Variants in FHIT observed in about 807,000 individuals in gnomAD.
FHIT encodes the protein bis(5'-adenosyl)-triphosphatase.
A neutral mutation model predicts 17.9 loss-of-function variants in FHIT; 19 were observed. The ratio of observed to expected loss-of-function variants is 1.06; its 90% CI spans 0.74 to 1.56. The LOEUF (loss-of-function observed/expected upper bound fraction) is 1.56, where lower values mean the gene tolerates loss of function less well. Among genes scored for constraint, FHIT ranks in the 40% most tolerant of loss-of-function variants. FHIT has a pLI of 0.00. For synonymous variants in FHIT, 81 were observed against 69.7 expected (o/e 1.16, Z -0.81); for missense variants, 248 against 189.2 (o/e 1.31, Z -1.82).
chr3:59,998,426 G>T (rs996375590), intron 7 of FHIT, among the ~76,000 whole-genome samples: 1 of 152,110 alleles, frequency 6.6e-6, no homozygotes, highest in African/African-American at 2.4e-5. Flanking sequence ...GAGAGGAAAA[G>T]CCTAGAAAAG....
intron 5 of FHIT, among the ~76,000 whole-genome samples, chr3:60,014,573 G>A (rs1002908362): frequency 6.6e-6 from 1 of 152,192 alleles, no homozygotes; most frequent in African/African-American, 2.4e-5. Flanking sequence ...GGTAGAACAT[G>A]GGGATAAATT....
intron 7 of FHIT, among the ~76,000 whole-genome samples, chr3:59,964,610 C>T (rs1040956714): frequency 1.3e-5 from 2 of 152,042 alleles, no homozygotes; most frequent in African/African-American, 2.4e-5. Context: ...CCAACAAACC[C>T]CACAACATCA....
At chr3:60,999,342 C>A (rs1445564477) in intron 3 of FHIT, among the ~76,000 whole-genome samples, 1 of 151,954 alleles carries the variant, frequency 6.6e-6, no homozygotes, top group Non-Finnish European at 1.5e-5. Context: ...TTCATAAAAA[C>A]AAACAGTTGC....
chr3:60,864,251 G>A (rs184539958), intron 3 of FHIT, among the ~76,000 whole-genome samples: 5 of 152,214 alleles, frequency 3.3e-5, no homozygotes, highest in Non-Finnish European at 4.4e-5. Context: ...TTTGGGTGGG[G>A]ACACAGCCAA....
intron 1 of FHIT, among the ~76,000 whole-genome samples, chr3:61,208,308 A>G (rs1329271204): frequency 6.6e-6 from 1 of 151,922 alleles, no homozygotes; most frequent in Non-Finnish European, 1.5e-5. Flanking sequence ...TGGGGTGGAG[A>G]GTTCTCTAGA....
intron 1 of FHIT, among the ~76,000 whole-genome samples, chr3:61,200,925 G>C (rs1354351072): frequency 6.6e-6 from 1 of 152,146 alleles, no homozygotes; most frequent in Non-Finnish European, 1.5e-5. Flanking sequence ...TTTGGAGTGT[G>C]TACTCCTCAA....
At chr3:60,344,916 G>C (rs1710700337) in intron 5 of FHIT, among the ~76,000 whole-genome samples, 1 of 151,928 alleles carries the variant, frequency 6.6e-6, no homozygotes, top group African/African-American at 2.4e-5. Context: ...ATGATATAAT[G>C]AATCATTTAT....
chr3:60,933,312 A>G (rs1399958148), intron 3 of FHIT, among the ~76,000 whole-genome samples: 1 of 152,270 alleles, frequency 6.6e-6, no homozygotes, highest in Non-Finnish European at 1.5e-5. Context: ...CGTTTTAAAA[A>G]GTTAAAAGAA....
intron 5 of FHIT, among the ~76,000 whole-genome samples, chr3:60,398,331 T>TA (rs1434263482): frequency 4.6e-5 from 7 of 152,056 alleles, no homozygotes; most frequent in Non-Finnish European, 8.8e-5. Context: ...GGTATAATGC[T>TA]AGAAAGGGAG....
intron 5 of FHIT, among the ~76,000 whole-genome samples, chr3:60,310,129 G>A (rs193192111): frequency 5.3e-4 from 80 of 152,250 alleles, no homozygotes; most frequent in South Asian, 1.7e-3. Context: ...TTTCTCTGCC[G>A]TGGGAAAGGC....
chr3:60,907,166 G>A (rs2107251111), intron 3 of FHIT, among the ~76,000 whole-genome samples: 1 of 152,182 alleles, frequency 6.6e-6, no homozygotes, highest in African/African-American at 2.4e-5. Context: ...CTTAAAAATG[G>A]AGTGACCTGA....
chr3:60,045,395 G>A (rs540987251), intron 5 of FHIT, among the ~76,000 whole-genome samples: 3 of 152,116 alleles, frequency 2.0e-5, no homozygotes, highest in African/African-American at 7.2e-5. Context: ...AGCAGGCAAA[G>A]AGAGAGTTTG....
chr3:60,254,123 C>T (rs1225865511), intron 5 of FHIT, among the ~76,000 whole-genome samples: 1 of 152,066 alleles, frequency 6.6e-6, no homozygotes, highest in Non-Finnish European at 1.5e-5. Context: ...ATCATTTTCC[C>T]AATTGCTTCT....
chr3:60,920,076 C>G (rs1707202921), intron 3 of FHIT, among the ~76,000 whole-genome samples: 2 of 151,896 alleles, frequency 1.3e-5, no homozygotes, highest in African/African-American at 4.8e-5. Context: ...ACTTAAACCT[C>G]AGCTTGCCAT....
chr3:60,635,749 G>A (rs924448637), intron 4 of FHIT, among the ~76,000 whole-genome samples: 4 of 152,106 alleles, frequency 2.6e-5, no homozygotes, highest in Non-Finnish European at 4.4e-5. Context: ...CCATACTCAT[G>A]ACCTTTATAT....
rs118155355 is a variant in FHIT at position 60,512,297 on chromosome 3, C to A, written c.103+24563G>T. Among the ~76,000 whole-genome samples, 471 of 152,260 alleles carry A rather than the reference C, an allele frequency of 3.1e-3. 7 individuals are homozygous for A. The East Asian group carries it at 0.036, about 12-fold the overall frequency. On this transcript the variant is annotated intron_variant, in intron 5 of 9. Transcript: ENST00000492590. ...TTTCTAGTCAACCAATCAGTAACAG[C>A]CCTTTATTGCTAAAAGACAGCCAGT...
chr3:60,856,641 T>C (rs931816987), intron 3 of FHIT: 4 of 152,130 alleles, frequency 2.6e-5, no homozygotes, highest in Admixed American at 1.3e-4. Context: ...TATTTCCTGT[T>C]CCCACTCTGC....
At chr3:60,377,221 A>AG (rs1700600497) in intron 5 of FHIT, among the ~76,000 whole-genome samples, 2 of 132,532 alleles carry the variant, frequency 1.5e-5, no homozygotes, top group Non-Finnish European at 3.2e-5. Flanking sequence ...TTTTTTTTTT[A>AG]ATGGAGTTTT....
chr3:60,254,126 T>A (rs1356323764), intron 5 of FHIT, among the ~76,000 whole-genome samples: 1 of 152,078 alleles, frequency 6.6e-6, no homozygotes, highest in Non-Finnish European at 1.5e-5. Flanking sequence ...ATTTTCCCAA[T>A]TGCTTCTTAG....
Sources: gnomAD v4.1 joint callset for allele counts (sites outside exome capture counted in the v4.1 genomes callset) on GRCh38, gnomAD v4.1.1 for gene constraint, MANE v1.5 for transcripts, NCBI Gene and HGNC (gene_info 2026-07-23, HGNC 2026-07-21) for gene names.